HEATR5A: variants seen among roughly 807,000 people sequenced by gnomAD.
HEATR5A encodes the protein HEAT repeat containing 5A, also known as HEAT repeat-containing protein 5A.
A neutral mutation model predicts 218.8 loss-of-function variants in HEATR5A; 178 were observed. The ratio of observed to expected loss-of-function variants is 0.81; its 90% CI spans 0.72 to 0.92. The LOEUF is 0.92. Ranked by LOEUF, HEATR5A falls within the 40% of genes least tolerant of loss-of-function variation. HEATR5A has a pLI of 0.00. For synonymous variants in HEATR5A, 864 were observed against 871.6 expected, an observed-to-expected ratio of 0.99 and a Z score of 0.15; for missense variants, 2,420 against 2,418.9, an observed-to-expected ratio of 1.00 and a Z score of -0.01.
chr14:31,345,224 T>C lies in HEATR5A; in HGVS notation c.2921A>G (p.Tyr974Cys). The C allele has an allele frequency of 3.7e-6, 6 of 1,609,236 alleles. No homozygotes were observed. In the South Asian group the frequency reaches 4.4e-5, roughly 12 times the overall value. ...AAGGGTAGGTTCCACATGCACATAA[T>C]AGAGTGGGCCAGCAGAATCAATGAT... ...SLIIDSAGPL[Y>C]YVHVEPTLSL... The change falls in exon 20 of 36, where the codon TAT (tyrosine) becomes TGT (cysteine). Residue 974 changes from tyrosine to cysteine, a missense_variant. Tyr to Cys is a radical substitution (Grantham distance 194, BLOSUM62 -2). Transcript: ENST00000543095.
intron 19 of HEATR5A, among the ~76,000 whole-genome samples, chr14:31,347,317 T>C (rs1002091278): frequency 5.3e-5 from 8 of 152,182 alleles, no homozygotes; most frequent in African/African-American, 1.7e-4. Flanking sequence ...GCTCAAGCCA[T>C]CCTCCCACCT....
Position 31,293,329 on chromosome 14 carries a change from G to A in HEATR5A, c.6117C>T (p.Ile2039=), listed in dbSNP as rs943569289. 1.3e-5 allele frequency: 20 copies of A among 1,592,460 alleles called. No homozygotes were observed. The highest frequency in any genetic ancestry group is 1.7e-5 in the Non-Finnish European group (20 of 1,173,358). Residue 2039 remains isoleucine (I), a synonymous_variant, in exon 36 of 36, where the codon ATC becomes ATT. Transcript: ENST00000543095. Reference sequence around the variant, plus strand: ...ATCAGAGGAAACTGGTCTTTAATTGGATGCTTGAGTTTTTTCCAGGACTCT... The same window carrying A: ...ATCAGAGGAAACTGGTCTTTAATTGAATGCTTGAGTTTTTTCCAGGACTCT... The part of the protein sequence containing the change: ...YTKSPGKNSS[I]QLKTSFL
In HEATR5A at chr14:31,415,212, C is replaced by A. The variant is rs535369727; in HGVS notation, c.-75+5260G>T. ...CCTAAAATTTAGCTAAATTTCTAAC[C>A]TCTTGGAGCCTCACCTGAGGGCTTT... On this transcript the variant is annotated intron_variant, in intron 1 of 35. Transcript: ENST00000543095. 2.0e-5 allele frequency among the ~76,000 whole-genome samples: 3 copies of A among 152,300 alleles called. No homozygotes were observed. The East Asian group carries it at 5.8e-4, about 29-fold the overall frequency.
chr14:31,295,417 T>C (rs1385295048), intron 34 of HEATR5A: 3 of 152,458 alleles, frequency 2.0e-5, no homozygotes, highest in African/African-American at 7.3e-5. Context: ...AGGTTAATTT[T>C]TGTATTTTTT....
At chr14:31,345,321 A>C (rs1900984857) in intron 19 of HEATR5A, 45 bp from the exon 20 acceptor site, 2 of 1,371,746 alleles carry the variant, frequency 1.5e-6, no homozygotes, top group Non-Finnish European at 2.0e-6. Context: ...CAGCAGCATT[A>C]AGAAACATAA....
chr14:31,335,444 A>C (rs1243802899), intron 22 of HEATR5A, among the ~76,000 whole-genome samples: 1 of 151,814 alleles, frequency 6.6e-6, no homozygotes, highest in African/African-American at 2.4e-5. Flanking sequence ...CTCAGCCTCT[A>C]AGGAAGCTGG....
In HEATR5A at chr14:31,387,253, G is replaced by A. The variant is rs774812885; in HGVS notation, c.1056C>T (p.Ile352=). The stretch of plus-strand genomic sequence containing the variant: ...CACAACGGCGACAGCAGACGGCATC[G>A]ATCTGAGTTTGGGTGGCTTTAGGGT... ...PSHPKATQTQ[I]DAVCCRRCVS... The change falls in exon 8 of 36, where the codon ATC becomes ATT. Residue 352 remains isoleucine, a synonymous_variant. Transcript: ENST00000543095. 14 of 1,613,834 alleles carry A rather than the reference G, an allele frequency of 8.7e-6. No individual in the cohort carries two copies. The highest frequency in any genetic ancestry group is 1.1e-5 in the Non-Finnish European group (13 of 1,179,892).
intron 16 of HEATR5A, among the ~76,000 whole-genome samples, chr14:31,351,999 A>T (rs1353759458): frequency 6.6e-6 from 1 of 152,198 alleles, no homozygotes; most frequent in Non-Finnish European, 1.5e-5. Context: ...GCTACTGGTG[A>T]GAAAAATGTT....
chr14:31,325,941 C>T, intron 23 of HEATR5A: 1 of 568,166 alleles, frequency 1.8e-6, no homozygotes, highest in South Asian at 2.2e-5. Context: ...TCTAAGACAG[C>T]CAAAGGGAAA....
chr14:31,339,377 G>A (rs1900770340), intron 21 of HEATR5A, among the ~76,000 whole-genome samples: 1 of 149,522 alleles, frequency 6.7e-6, no homozygotes. Context: ...TTGAACCCGG[G>A]AGGCAGAAGT....
At chr14:31,387,483 G>T (rs1278939332) in intron 7 of HEATR5A, 108 bp from the exon 8 acceptor site, 3 of 855,374 alleles carry the variant, frequency 3.5e-6, no homozygotes, top group Non-Finnish European at 5.3e-6. Context: ...CTTATAAATT[G>T]TATTCTTTCC....
intron 16 of HEATR5A, 130 bp from the exon 17 acceptor site, chr14:31,350,847 G>T: frequency 1.7e-6 from 1 of 577,470 alleles, no homozygotes. Context: ...GCACCATCTC[G>T]GCTCACTACA....
intron 7 of HEATR5A, among the ~76,000 whole-genome samples, chr14:31,388,047 C>G (rs1168433066): frequency 6.6e-6 from 1 of 152,116 alleles, no homozygotes; most frequent in African/African-American, 2.4e-5. Context: ...CATACAAACA[C>G]ATTATAAGAA....
intron 25 of HEATR5A, among the ~76,000 whole-genome samples, chr14:31,319,530 G>A (rs989934799): frequency 2.0e-5 from 3 of 152,118 alleles, no homozygotes; most frequent in Non-Finnish European, 2.9e-5. Context: ...TTAGCTGAAC[G>A]AAGTCATGAA....
chr14:31,402,305 G>A (rs1358575419), intron 2 of HEATR5A, among the ~76,000 whole-genome samples: 1 of 152,150 alleles, frequency 6.6e-6, no homozygotes, highest in Non-Finnish European at 1.5e-5. Flanking sequence ...CCACCTCAAT[G>A]GCTTAGTAAA....
chr14:31,411,649 T>A (rs2031275887), intron 1 of HEATR5A, among the ~76,000 whole-genome samples: 2 of 152,176 alleles, frequency 1.3e-5, no homozygotes, highest in South Asian at 4.1e-4. Context: ...GTGCACTATG[T>A]ACTGCCAAGA....
chr14:31,294,148 T>G (rs1899101858), intron 34 of HEATR5A, 44 bp from the exon 35 acceptor site: 4 of 1,273,650 alleles, frequency 3.1e-6, no homozygotes, highest in Admixed American at 2.4e-5. Flanking sequence ...ATAAATAAAT[T>G]TTTAAAAAGT....
At chr14:31,360,234 G>A (rs1213778399) in intron 14 of HEATR5A, among the ~76,000 whole-genome samples, 2 of 151,942 alleles carry the variant, frequency 1.3e-5, no homozygotes, top group African/African-American at 2.4e-5. Context: ...TCCCCTCACT[G>A]GTAATTTATT....
chr14:31,344,017 C>A lies in HEATR5A; in HGVS notation c.3107G>T (p.Cys1036Phe). The A allele has an allele frequency of 6.2e-7, 1 of 1,604,760 alleles. No homozygotes were observed. The highest frequency in any genetic ancestry group is 8.5e-7 in the Non-Finnish European group (1 of 1,176,060). ...STLRTSCLLG[C>F]AVMQDNPDCL... Reference sequence around the variant, plus strand: ...GTCTGGGTTATCTTGCATTACTGCACAACCCAGTAGACAGGAAGTCCTTAA... The same window carrying A: ...GTCTGGGTTATCTTGCATTACTGCAAAACCCAGTAGACAGGAAGTCCTTAA... Residue 1036 changes from cysteine (C) to phenylalanine (F), a missense_variant, in exon 21 of 36, where the codon TGT becomes TTT. By Grantham distance (205) the Cys-to-Phe change is radical. Transcript: ENST00000543095.
Sources: allele counts gnomAD v4.1 joint callset (sites outside exome capture counted in the v4.1 genomes callset), GRCh38; gene constraint gnomAD v4.1.1; transcripts MANE v1.5; gene names NCBI Gene and HGNC (gene_info 2026-07-23, HGNC 2026-07-21).